The following RPSA2 variants were observed in gnomAD, a reference collection of about 807,000 sequenced individuals.
RPSA2 encodes the protein small ribosomal subunit protein uS2B.
chr19:23,834,098 C>T, the RPSA2 span, among the ~76,000 whole-genome samples: 1,284 of 151,990 alleles, frequency 8.4e-3, 18 homozygotes, highest in African/African-American at 0.029. Context: ...GTAGAAATAT[C>T]TAGGGCCACT....
At chr19:23,759,232 T>C in the RPSA2 span, among the ~76,000 whole-genome samples, 1 of 152,136 alleles carries the variant, frequency 6.6e-6, no homozygotes, top group South Asian at 2.1e-4. Flanking sequence ...TTTCATCTTT[T>C]ATGACCGTCC....
the RPSA2 span, among the ~76,000 whole-genome samples, chr19:23,798,395 G>T: frequency 6.6e-6 from 1 of 152,050 alleles, no homozygotes; most frequent in East Asian, 1.9e-4. Flanking sequence ...TCATACCTTG[G>T]TTTCTATTTA....
At chr19:23,857,722 G>A in the RPSA2 span, among the ~76,000 whole-genome samples, 4 of 151,642 alleles carry the variant, frequency 2.6e-5, no homozygotes, top group African/African-American at 9.7e-5. Context: ...GTCTCGAACT[G>A]CTGACCTCAT....
chr19:23,841,698 A>T, the RPSA2 span, among the ~76,000 whole-genome samples: 1 of 152,084 alleles, frequency 6.6e-6, no homozygotes, highest in Non-Finnish European at 1.5e-5. Flanking sequence ...AAGCCTGGGC[A>T]TGAGCCCTGT....
the RPSA2 span, among the ~76,000 whole-genome samples, chr19:23,796,420 A>ATT: frequency 3.3e-3 from 489 of 147,212 alleles, 5 homozygotes; most frequent in Middle Eastern, 7.1e-3. Context: ...TATTGGCCTG[A>ATT]TTTTTTTTTT....
the RPSA2 span, among the ~76,000 whole-genome samples, chr19:23,761,009 A>ATATG: frequency 8.1e-3 from 1,200 of 148,592 alleles, 12 homozygotes; most frequent in South Asian, 0.011. Context: ...GTATAAATAT[A>ATATG]TGTGTGTATA....
chr19:23,806,030 T>G, the RPSA2 span, among the ~76,000 whole-genome samples: 1 of 138,644 alleles, frequency 7.2e-6, no homozygotes, highest in Non-Finnish European at 1.5e-5. Flanking sequence ...TATCTATCTA[T>G]CTATCCTTCT....
the RPSA2 span, among the ~76,000 whole-genome samples, chr19:23,805,136 CA>C: frequency 1.2e-3 from 1 of 802 alleles, no homozygotes; most frequent in Non-Finnish European, 3.9e-3. Context: ...CACACACACA[CA>C]CACACACACA....
At chr19:23,783,531 AGCACTGCC>A in the RPSA2 span, among the ~76,000 whole-genome samples, 3 of 147,704 alleles carry the variant, frequency 2.0e-5, no homozygotes, top group Admixed American at 6.8e-5. Flanking sequence ...ATTCTGCTTG[AGCACTGCC>A]AAAAAAAAAA....
chr19:23,799,129 A>G, the RPSA2 span: 2 of 152,336 alleles, frequency 1.3e-5, no homozygotes, highest in African/African-American at 4.8e-5. Flanking sequence ...TTTTGCAGGA[A>G]TATTTTCTGG....
the RPSA2 span, chr19:23,758,814 C>T: frequency 2.5e-6 from 4 of 1,611,212 alleles, no homozygotes; most frequent in Non-Finnish European, 3.4e-6. Context: ...GTCAGAGGGC[C>T]ATAGAGGCTG....
chr19:23,847,177 A>C, the RPSA2 span, among the ~76,000 whole-genome samples: 2 of 147,688 alleles, frequency 1.4e-5, no homozygotes, highest in African/African-American at 5.0e-5. Context: ...TTTTTCCTTC[A>C]TTAAATCTTT....
At chr19:23,846,179 C>T in the RPSA2 span, among the ~76,000 whole-genome samples, 1 of 151,988 alleles carries the variant, frequency 6.6e-6, no homozygotes, top group East Asian at 1.9e-4. Context: ...TAATATCTAC[C>T]CCCTTTACTT....
the RPSA2 span, among the ~76,000 whole-genome samples, chr19:23,814,752 T>G: frequency 6.6e-6 from 1 of 152,206 alleles, no homozygotes. Flanking sequence ...TTTTTGGATT[T>G]TTTTTAGTTT....
the RPSA2 span, among the ~76,000 whole-genome samples, chr19:23,855,936 C>T: frequency 6.6e-6 from 1 of 152,026 alleles, no homozygotes; most frequent in African/African-American, 2.4e-5. Flanking sequence ...AGATATGGTC[C>T]TGGGCTGTCT....
chr19:23,799,337 T>C, the RPSA2 span: 3 of 152,268 alleles, frequency 2.0e-5, no homozygotes, highest in African/African-American at 7.2e-5. Flanking sequence ...CTCTTGGAGC[T>C]ATCTCTATCT....
the RPSA2 span, among the ~76,000 whole-genome samples, chr19:23,796,411 A>G: frequency 1.4e-5 from 1 of 73,702 alleles, no homozygotes; most frequent in African/African-American, 5.0e-5. Flanking sequence ...GTTGAAAGAT[A>G]TTGGCCTGAT....
chr19:23,832,519 A>G, the RPSA2 span: 4 of 634,680 alleles, frequency 6.3e-6, no homozygotes, highest in Non-Finnish European at 7.6e-6. Flanking sequence ...ACCTTACTAT[A>G]TATAAGATAA....
the RPSA2 span, among the ~76,000 whole-genome samples, chr19:23,771,891 C>G: frequency 6.6e-6 from 1 of 152,190 alleles, no homozygotes; most frequent in Non-Finnish European, 1.5e-5. Flanking sequence ...GGTGTTATAT[C>G]TTTTCATTCA....
Sources: gnomAD v4.1 joint callset for allele counts (sites outside exome capture counted in the v4.1 genomes callset) on GRCh38, gnomAD v4.1.1 for gene constraint, MANE v1.5 for transcripts, NCBI Gene and HGNC (gene_info 2026-07-23, HGNC 2026-07-21) for gene names.